HK1: variants seen among roughly 807,000 people sequenced by gnomAD.
The protein encoded by HK1 is hexokinase 1.
HK1 carries 28 observed loss-of-function variants against 91.6 expected under a neutral mutation model. The ratio of observed to expected loss-of-function variants is 0.31; its 90% CI spans 0.23 to 0.42. The LOEUF (loss-of-function observed/expected upper bound fraction) is 0.42, where lower values mean the gene tolerates loss of function less well. Ranked by LOEUF, HK1 falls within the 10% of genes least tolerant of loss-of-function variation. The pLI is 1.00. For synonymous variants in HK1, 430 were observed against 468.1 expected (o/e 0.92, Z 1.05); for missense variants, 770 against 1,219.8 (o/e 0.63, Z 5.49).
intron 1 of HK1, among the ~76,000 whole-genome samples, chr10:69,327,385 A>G (rs1354973453): frequency 6.6e-6 from 1 of 152,196 alleles, no homozygotes; most frequent in Non-Finnish European, 1.5e-5. Context: ...GAGATTTTAA[A>G]AATGTTGATC....
At chr10:69,295,190 G>A (rs1252023987) in intron 3 of HK1, among the ~76,000 whole-genome samples, 2 of 152,198 alleles carry the variant, frequency 1.3e-5, no homozygotes, top group Non-Finnish European at 2.9e-5. Flanking sequence ...CAGGGTGGGA[G>A]ACACAGCGGG....
Position 69,325,788 on chromosome 10 carries a change from T to C in HK1, c.63+6778T>C, listed in dbSNP as rs185125404. Among the ~76,000 whole-genome samples the C allele has an allele frequency of 3.8e-4, 57 of 151,388 alleles. No homozygotes were observed. In the East Asian group the frequency reaches 8.4e-3, roughly 22 times the overall value. On this transcript the variant is annotated intron_variant, in intron 1 of 17. Coordinates refer to ENST00000359426, the MANE Select transcript of HK1 (RefSeq NM_000188.3). Reference sequence around the variant, plus strand: ...CTGACCGCAAGTGATCTGCCCGCCTTGGCCTCCCGAAATGCTGGGATTACG... The same window carrying C: ...CTGACCGCAAGTGATCTGCCCGCCTCGGCCTCCCGAAATGCTGGGATTACG...
chr10:69,296,647 T>G (rs1206811117), intron 4 of HK1, among the ~76,000 whole-genome samples: 4 of 151,182 alleles, frequency 2.6e-5, no homozygotes, highest in Non-Finnish European at 5.9e-5. Context: ...TTGCAGAGAG[T>G]CTTGAAGAAG....
chr10:69,314,535 C>T (rs571778241), upstream of HK1, among the ~76,000 whole-genome samples: 49 of 152,182 alleles, frequency 3.2e-4, no homozygotes, highest in Non-Finnish European at 6.0e-4. Flanking sequence ...TCTTAATTTT[C>T]GTTTTTTCGC....
intron 4 of HK1, chr10:69,300,587 T>C (rs1845812185): frequency 1.4e-6 from 1 of 702,390 alleles, no homozygotes; most frequent in Non-Finnish European, 2.6e-6. Flanking sequence ...GCACATCAAA[T>C]CTGGGGCTGA....
chr10:69,338,805 G>A, intron 1 of HK1: 1 of 821,912 alleles, frequency 1.2e-6, no homozygotes, highest in African/African-American at 1.8e-5. Flanking sequence ...AGAGGGAAGA[G>A]GGGAAAAGGA....
chr10:69,289,390 T>G (rs1845179497), intron 3 of HK1, among the ~76,000 whole-genome samples: 1 of 150,246 alleles, frequency 6.7e-6, no homozygotes, highest in Admixed American at 6.6e-5. Flanking sequence ...TTTTCTTCTC[T>G]AAGAGAAGCC....
intron 11 of HK1, 105 bp from the exon 12 acceptor site, chr10:69,384,689 TGG>T: frequency 6.7e-7 from 1 of 1,487,006 alleles, no homozygotes; most frequent in Non-Finnish European, 9.4e-7. Flanking sequence ...TGCATGTGTG[TGG>T]GGTGTGTTTT....
At chr10:69,324,778 T>C (rs1847230117) in intron 1 of HK1, among the ~76,000 whole-genome samples, 1 of 152,110 alleles carries the variant, frequency 6.6e-6, no homozygotes, top group Non-Finnish European at 1.5e-5. Context: ...TCTGGGGATG[T>C]GTTAGTCTGT....
At position 69,395,035 on chromosome 10, in the gene HK1, C is replaced by T. The variant is rs1365924159; in HGVS notation, c.2305C>T (p.Arg769Ter). The change falls in exon 16 of 18, where the codon CGA becomes TGA. Residue 769 changes from arginine to a stop codon, truncating the protein, a stop_gained. Coordinates refer to ENST00000359426, the MANE Select transcript of HK1 (RefSeq NM_000188.3). LOFTEE classifies it high-confidence loss of function. Reference sequence around the variant, plus strand: ...CTTCACCAAGAAGGGATTCCTCTTCCGAGGGCAGATCTCTGAGACGCTGAA... The same window carrying T: ...CTTCACCAAGAAGGGATTCCTCTTCTGAGGGCAGATCTCTGAGACGCTGAA... ...IDFTKKGFLF[R>*]GQISETLKTR... is the part of the protein sequence containing the mutation. 2 of 1,613,884 alleles carry T rather than the reference C, an allele frequency of 1.2e-6. No individual in the cohort carries two copies. Among genetic ancestry groups the T allele is most frequent in the Non-Finnish European group, 1.7e-6 (2 of 1,179,974 alleles).
At chr10:69,276,111 A>AT (rs1564746738) in intron 1 of HK1, among the ~76,000 whole-genome samples, 82 of 68,194 alleles carry the variant, frequency 1.2e-3, no homozygotes, top group East Asian at 3.7e-3. Flanking sequence ...AAAAAAAAAA[A>AT]AAAAAAAATA....
intron 1 of HK1, among the ~76,000 whole-genome samples, chr10:69,281,580 C>T (rs1407973986): frequency 6.6e-6 from 1 of 152,202 alleles, no homozygotes; most frequent in East Asian, 1.9e-4. Flanking sequence ...GATGTTGTGG[C>T]TTCCTATACT....
At chr10:69,319,287 T>G in intron 1 of HK1, 1 of 553,626 alleles carries the variant, frequency 1.8e-6, no homozygotes, top group Non-Finnish European at 3.2e-6. Context: ...GGATGTCAGA[T>G]AGGCCCCCGG....
intron 1 of HK1, among the ~76,000 whole-genome samples, chr10:69,333,457 C>T (rs1847830765): frequency 6.6e-6 from 1 of 152,172 alleles, no homozygotes; most frequent in South Asian, 2.1e-4. Context: ...TTCTGTTCTC[C>T]CCGAGGGAAT....
intron 1 of HK1, among the ~76,000 whole-genome samples, chr10:69,332,100 A>C (rs1847757220): frequency 6.6e-6 from 1 of 152,156 alleles, no homozygotes; most frequent in Non-Finnish European, 1.5e-5. Context: ...TGTTCTTTTT[A>C]AATGTGGCTA....
intron 1 of HK1, among the ~76,000 whole-genome samples, chr10:69,337,781 C>T (rs1848064572): frequency 6.6e-6 from 1 of 152,226 alleles, no homozygotes; most frequent in South Asian, 2.1e-4. Context: ...TCTCGATCCT[C>T]ACGGGAGGGT....
chr10:69,273,946 T>C (rs1844312914), intron 1 of HK1, among the ~76,000 whole-genome samples: 1 of 152,186 alleles, frequency 6.6e-6, no homozygotes, highest in African/African-American at 2.4e-5. Context: ...ACTGTTTGTG[T>C]TGTCTATTTT....
intron 2 of HK1, among the ~76,000 whole-genome samples, chr10:69,349,952 A>G (rs1312770027): frequency 6.6e-6 from 1 of 152,204 alleles, no homozygotes; most frequent in Admixed American, 6.5e-5. Flanking sequence ...CTAGGGATTC[A>G]TCTGTCTCTT....
intron 3 of HK1, among the ~76,000 whole-genome samples, chr10:69,363,985 G>C (rs1363821723): frequency 6.6e-6 from 1 of 152,216 alleles, no homozygotes; most frequent in East Asian, 1.9e-4. Flanking sequence ...CATCCACATG[G>C]TGTCGAGTGA....
Sources: gnomAD v4.1 joint callset for allele counts (sites outside exome capture counted in the v4.1 genomes callset) on GRCh38, gnomAD v4.1.1 for gene constraint, MANE v1.5 for transcripts, NCBI Gene and HGNC (gene_info 2026-07-23, HGNC 2026-07-21) for gene names.